Variants in ANKRD26 observed in about 807,000 individuals in gnomAD.
ANKRD26 encodes ankyrin repeat domain-containing protein 26.
A neutral mutation model predicts 208.7 loss-of-function variants in ANKRD26; 141 were observed. That is an observed-to-expected ratio of 0.68 (90% CI 0.59 to 0.78). The LOEUF is 0.78. ANKRD26 is among the 30% of genes least tolerant of loss of function. The pLI is 0.00. For synonymous variants in ANKRD26, 636 were observed against 660.4 expected, an observed-to-expected ratio of 0.96 and a Z score of 0.57; for missense variants, 1,889 against 1,938.7, an observed-to-expected ratio of 0.97 and a Z score of 0.48.
chr10:27,082,657 G>A, intron 6 of ANKRD26, 146 bp downstream of exon 6: 1 of 1,206,808 alleles, frequency 8.3e-7, no homozygotes, highest in Non-Finnish European at 1.1e-6. Context: ...CAGTTGGGTT[G>A]TAATATAGCA....
At chr10:26,989,285 C>A (rs1337407381), downstream of ANKRD26, among the ~76,000 whole-genome samples, 1 of 152,112 alleles carries the variant, frequency 6.6e-6, no homozygotes, top group Admixed American at 6.6e-5. Flanking sequence ...TTTCTCTTTT[C>A]TCCTCTAACA....
rs528924384 is a variant in ANKRD26, at chr10:27,024,961, C to T, written c.3973-402G>A. 1.7e-3 allele frequency among the ~76,000 whole-genome samples: 263 copies of T among 152,198 alleles called. 1 individual carries two copies. Among genetic ancestry groups the T allele is most frequent in the Admixed American group, 6.1e-3 (93 of 15,286 alleles). ...TTTTAGAAAACTTTCATCTGGTTCC[C>T]GTTACATTTTTTATACTCACCTGAC... On this transcript the variant is annotated intron_variant, in intron 27 of 33. Coordinates refer to ENST00000376087, the MANE Select transcript of ANKRD26 (RefSeq NM_014915.3).
intron 15 of ANKRD26, among the ~76,000 whole-genome samples, chr10:27,059,722 C>A (rs544139894): frequency 1.1e-3 from 162 of 151,228 alleles, no homozygotes; most frequent in African/African-American, 3.8e-3. Context: ...ACCAGCCTGG[C>A]CAACATGGTG....
rs2054450165 is a variant in ANKRD26 at position 27,046,492 on chromosome 10, T to C, written c.1846A>G (p.Lys616Glu). ...SGPALQMKEV[K>E]STEKEKRTSK... The stretch of plus-strand genomic sequence containing the variant: ...GTCCGTTTTTCTTTTTCAGTGCTCT[T>C]TACTTCCTTCATTTGCAAGGCAGGA... The change falls in exon 18 of 34, where the codon AAG becomes GAG. Residue 616 changes from lysine to glutamate, a missense_variant. Coordinates refer to ENST00000376087, the MANE Select transcript of ANKRD26 (RefSeq NM_014915.3). 1 of 1,614,042 alleles carries C rather than the reference T, an allele frequency of 6.2e-7. No homozygotes were observed. The highest frequency in any genetic ancestry group is 8.5e-7 in the Non-Finnish European group (1 of 1,180,002).
chr10:27,013,305 A>G (rs939836593), intron 31 of ANKRD26, among the ~76,000 whole-genome samples, 195 bp from the exon 32 acceptor site: 1 of 152,228 alleles, frequency 6.6e-6, no homozygotes, highest in African/African-American at 2.4e-5. Context: ...AAAGAAGTGC[A>G]TATGTTTCTA....
chr10:26,989,420 A>G (rs1001117868), downstream of ANKRD26, among the ~76,000 whole-genome samples: 1 of 152,208 alleles, frequency 6.6e-6, no homozygotes, highest in Non-Finnish European at 1.5e-5. Flanking sequence ...CCAATTCCAA[A>G]AAGATTCACC....
chr10:27,036,903 T>C (rs986252716), intron 23 of ANKRD26, among the ~76,000 whole-genome samples: 24 of 152,270 alleles, frequency 1.6e-4, no homozygotes, highest in African/African-American at 5.8e-4. Context: ...TTTGAGATTG[T>C]GGAAAGACCA....
chr10:27,088,276 A>G (rs1269544261), intron 4 of ANKRD26: 1 of 152,124 alleles, frequency 6.6e-6, no homozygotes, highest in African/African-American at 2.4e-5. Flanking sequence ...TTTTGCTTTG[A>G]CTCACACTGT....
Position 27,035,735 on chromosome 10 carries a change from T to C in ANKRD26, c.2715A>G (p.Glu905=). The change falls in exon 24 of 34, where the codon GAA becomes GAG. Residue 905 remains glutamate (E), a synonymous_variant. Coordinates refer to ENST00000376087, the MANE Select transcript of ANKRD26 (RefSeq NM_014915.3). ...KMNSENSHSH[E]EEKDLSHKNS... ...TTTTATGCGATAGGTCTTTTTCTTC[T>C]TCATGACTATGAGAATTCTAAGTAA... 6.2e-7 allele frequency: 1 copy of C among 1,607,096 alleles called. No individual in the cohort carries two copies. The highest frequency in any genetic ancestry group is 8.5e-7 in the Non-Finnish European group (1 of 1,176,066).
In ANKRD26 at chr10:27,024,540, T is replaced by C; in HGVS notation, c.3992A>G (p.Gln1331Arg). The change falls in exon 28 of 34, where the codon CAA (glutamine) becomes CGA (arginine). Residue 1331 changes from glutamine (Q) to arginine (R), a missense_variant. By Grantham distance (43) the Gln-to-Arg change is conservative. Transcript: ENST00000376087. Reference sequence around the variant, plus strand: ...TTTTAATTCCATAAGTTTCTTTAATTGTTCCTTTTCATCTTCAGACTTTGA... The same window carrying C: ...TTTTAATTCCATAAGTTTCTTTAATCGTTCCTTTTCATCTTCAGACTTTGA... ...NANLSEDEKEQLKKLMELKQS... is the reference protein window; with the variant it reads ...NANLSEDEKERLKKLMELKQS... 1 of 1,572,700 alleles carries C rather than the reference T, an allele frequency of 6.4e-7. No homozygotes were observed. The highest frequency in any genetic ancestry group is 8.7e-7 in the Non-Finnish European group (1 of 1,145,078).
chr10:27,025,560 T>C (rs1168353890), intron 27 of ANKRD26, among the ~76,000 whole-genome samples: 1 of 152,184 alleles, frequency 6.6e-6, no homozygotes, highest in Non-Finnish European at 1.5e-5. Flanking sequence ...TTTTCAGTCT[T>C]ATAATTCTCA....
At chr10:27,060,477 TTAA>T in intron 14 of ANKRD26, 32 bp downstream of exon 14, 4 of 1,562,612 alleles carry the variant, frequency 2.6e-6, no homozygotes, top group Non-Finnish European at 3.5e-6. Flanking sequence ...CAATATGCAC[TTAA>T]TAATTCAAGA....
rs11015469 is a variant in ANKRD26, at chr10:27,037,085, C to T, written c.2697+101G>A. 293,699 of 1,257,368 alleles carry T rather than the reference C, an allele frequency of 0.23. 38,133 individuals carry two copies. Among genetic ancestry groups the T allele is most frequent in the Middle Eastern group, 0.28 (1,076 of 3,820 alleles). The allele number at this position is 1,257,368 out of a possible 1,614,324, so 77.9% of individuals were successfully genotyped here. On this transcript the variant is annotated intron_variant, in intron 23 of 33. Coordinates refer to ENST00000376087, the MANE Select transcript of ANKRD26 (RefSeq NM_014915.3). Reference sequence around the variant, plus strand: ...TACACATATATGGTTTAAAAATCCTCGACACTTTCCAAGATGCATATATAG... The same window carrying T: ...TACACATATATGGTTTAAAAATCCTTGACACTTTCCAAGATGCATATATAG...
Position 27,022,627 on chromosome 10 carries a change from AAATTC to A in ANKRD26, c.4141_4145del (p.Glu1381Ter). 1 of 1,570,962 alleles carries A rather than the reference AAATTC, an allele frequency of 6.4e-7. No individual in the cohort carries two copies. The highest frequency in any genetic ancestry group is 1.1e-5 in the South Asian group (1 of 89,940). ...TAGTTTTTAAATCTCCATGGAAACTAAATTCTCCATTTTCATATTCATTTAACTTC... is the reference window on the plus strand; with the variant it reads ...TAGTTTTTAAATCTCCATGGAAACTATCCATTTTCATATTCATTTAACTTC... On this transcript the variant is annotated frameshift_variant, in exon 29 of 34. Transcript: ENST00000376087. LOFTEE classifies it high-confidence loss of function.
chr10:26,973,929 T>C (rs2052186847), exon 6 of ANKRD26, among the ~76,000 whole-genome samples: 1 of 152,140 alleles, frequency 6.6e-6, no homozygotes, highest in Admixed American at 6.5e-5. Context: ...AGTGCTGGAA[T>C]TACAGGCGTG....
intron 15 of ANKRD26, among the ~76,000 whole-genome samples, chr10:27,058,507 C>T (rs1018049275): frequency 3.9e-5 from 6 of 152,040 alleles, no homozygotes; most frequent in Non-Finnish European, 7.4e-5. Flanking sequence ...ATATCAACAG[C>T]TACAAACCAC....
intron 9 of ANKRD26, among the ~76,000 whole-genome samples, chr10:27,068,617 T>G (rs2055355170): frequency 1.3e-5 from 2 of 151,712 alleles, no homozygotes; most frequent in African/African-American, 2.4e-5. Flanking sequence ...AACAGAAAAA[T>G]CAGGCCAAAC....
In ANKRD26 at chr10:27,040,063, C is replaced by T. The variant is rs1191190583; in HGVS notation, c.2277G>A (p.Lys759=). ...LTVKIKKMED[K]VNVLQRELSE... ...ATAGCTCCCTTTGTAGTACATTAAC[C>T]TTGTCTTCCATTTTTTTAATTTTTA... The change falls in exon 21 of 34, where the codon AAG becomes AAA. Residue 759 remains lysine, a synonymous_variant. Coordinates refer to ENST00000376087, the MANE Select transcript of ANKRD26 (RefSeq NM_014915.3). 1 of 1,613,376 alleles carries T rather than the reference C, an allele frequency of 6.2e-7. No individual in the cohort carries two copies. The highest frequency in any genetic ancestry group is 8.5e-7 in the Non-Finnish European group (1 of 1,179,704).
intron 1 of ANKRD26, among the ~76,000 whole-genome samples, chr10:27,095,065 C>A (rs1386900387): frequency 6.6e-6 from 1 of 151,828 alleles, no homozygotes; most frequent in Non-Finnish European, 1.5e-5. Flanking sequence ...CATTTTCTCA[C>A]ATTTCAATAT....
Sources: gnomAD v4.1 joint callset for allele counts (sites outside exome capture counted in the v4.1 genomes callset) on GRCh38, gnomAD v4.1.1 for gene constraint, MANE v1.5 for transcripts, NCBI Gene and HGNC (gene_info 2026-07-23, HGNC 2026-07-21) for gene names.